Variants in BMP2K observed in about 807,000 individuals in gnomAD.
The protein encoded by BMP2K is BMP-2-inducible protein kinase.
Under a neutral mutation model 116.0 loss-of-function variants are expected in BMP2K, and 74 were observed. That is an observed-to-expected ratio of 0.64 (90% CI 0.53 to 0.77). BMP2K has a LOEUF of 0.77. Ranked by LOEUF, BMP2K falls within the 30% of genes least tolerant of loss-of-function variation. The pLI is 0.00. For synonymous variants in BMP2K, 486 were observed against 502.5 expected (o/e 0.97, Z 0.44); for missense variants, 1,365 against 1,403.6 (o/e 0.97, Z 0.44).
chr4:78,828,352 C>T (rs918724472), intron 2 of BMP2K, among the ~76,000 whole-genome samples: 1 of 152,194 alleles, frequency 6.6e-6, no homozygotes, highest in Non-Finnish European at 1.5e-5. Flanking sequence ...GGGTACAGAG[C>T]TTCCTTGCCT....
chr4:78,883,369 G>T lies in BMP2K; in HGVS notation c.1952-3805G>T, dbSNP rs865858552. On this transcript the variant is annotated intron_variant, in intron 14 of 15. Coordinates refer to ENST00000502613, the MANE Select transcript of BMP2K (RefSeq NM_198892.2). ...AATGTGTATATTTCTTTTGTATTTT[G>T]TGTCCTGAGACTCACATTTTCATGT... Among the ~76,000 whole-genome samples the T allele has an allele frequency of 1.2e-4, 18 of 152,114 alleles. No homozygotes were observed. In the South Asian group the frequency reaches 2.9e-3, roughly 25 times the overall value.
Position 78,914,194 on chromosome 4 carries a change from C to T in BMP2K, c.*2161C>T, listed in dbSNP as rs1734851468. 6.6e-6 allele frequency: 1 copy of T among 151,946 alleles called. No individual in the cohort carries two copies. The highest frequency in any genetic ancestry group is 6.6e-5 in the Admixed American group (1 of 15,238). 9.4% of individuals were successfully genotyped at this position (151,946 alleles called of 1,614,324 possible). On this transcript the variant is annotated 3_prime_UTR_variant, in exon 16 of 16. Coordinates refer to ENST00000502613, the MANE Select transcript of BMP2K (RefSeq NM_198892.2). The stretch of plus-strand genomic sequence containing the variant: ...AGGGGTAGAGGATGAACTAATGTCT[C>T]CTTCAGATGTAAACATGAAATACCT...
In BMP2K at chr4:78,776,429, C is replaced by A; in HGVS notation, c.-115C>A. The A allele has an allele frequency of 9.8e-7, 1 of 1,015,336 alleles. No individual in the cohort carries two copies. The highest frequency in any genetic ancestry group is 1.2e-6 in the Non-Finnish European group (1 of 832,082). The allele number at this position is 1,015,336 out of a possible 1,614,324, so 62.9% of individuals were successfully genotyped here. ...GCGCGGAATGTGAGGCTTGGCGGGC[C>A]GCAGCACGCTCGGACGGGCCAGGGG... On this transcript the variant is annotated 5_prime_UTR_variant, in exon 1 of 16. Transcript: ENST00000502613.
intron 13 of BMP2K, among the ~76,000 whole-genome samples, chr4:78,877,661 G>A (rs1033967324): frequency 1.4e-4 from 22 of 152,096 alleles, no homozygotes; most frequent in African/African-American, 5.3e-4. Flanking sequence ...GAGTATACTT[G>A]AACATAACTC....
At chr4:78,795,448 T>A (rs969745726) in intron 1 of BMP2K, among the ~76,000 whole-genome samples, 3 of 152,152 alleles carry the variant, frequency 2.0e-5, no homozygotes, top group African/African-American at 4.8e-5. Context: ...GAAGAAAACC[T>A]AGGCATTACC....
chr4:78,878,838 CTAAGT>C lies in BMP2K; in HGVS notation c.1902_1906del (p.Lys634AsnfsTer11). ...AATCCTTTTGGAGAGGATAATTTCT[CTAAGT>C]TAACAGAAGAGGAACTATTGGACAG... is the stretch of plus-strand genomic sequence containing the variant. On this transcript the variant is annotated frameshift_variant, in exon 14 of 16. Coordinates refer to ENST00000502613, the MANE Select transcript of BMP2K (RefSeq NM_198892.2). LOFTEE classifies it high-confidence loss of function. 1 of 1,613,560 alleles carries C rather than the reference CTAAGT, an allele frequency of 6.2e-7. No homozygotes were observed. The highest frequency in any genetic ancestry group is 8.5e-7 in the Non-Finnish European group (1 of 1,179,784).
chr4:78,838,252 T>C (rs1048918207), intron 3 of BMP2K, among the ~76,000 whole-genome samples: 3 of 152,214 alleles, frequency 2.0e-5, no homozygotes, highest in Non-Finnish European at 2.9e-5. Context: ...CTTGCCCCCA[T>C]GTTTCAGCTA....
intron 7 of BMP2K, among the ~76,000 whole-genome samples, chr4:78,853,690 G>T (rs1465642902): frequency 1.3e-5 from 2 of 152,134 alleles, no homozygotes; most frequent in Non-Finnish European, 2.9e-5. Context: ...CATCTGCTCT[G>T]TCCCTGTTTG....
chr4:78,862,043 A>G (rs560292337), intron 9 of BMP2K, among the ~76,000 whole-genome samples: 2 of 151,970 alleles, frequency 1.3e-5, no homozygotes, highest in South Asian at 4.1e-4. Flanking sequence ...CACTTTTTTG[A>G]ATTTAAAAGT....
At chr4:78,831,697 T>A (rs189220933) in intron 2 of BMP2K, among the ~76,000 whole-genome samples, 7 of 152,344 alleles carry the variant, frequency 4.6e-5, no homozygotes, top group Admixed American at 4.6e-4. Flanking sequence ...GAAAACTTAT[T>A]TTTAAGTATT....
intron 1 of BMP2K, among the ~76,000 whole-genome samples, chr4:78,803,897 G>C (rs1728690613): frequency 6.6e-6 from 1 of 152,034 alleles, no homozygotes; most frequent in African/African-American, 2.4e-5. Context: ...TGAGATCTGT[G>C]CTTCAGTTAT....
At chr4:78,862,968 G>C (rs1253567487) in intron 9 of BMP2K, among the ~76,000 whole-genome samples, 2 of 151,950 alleles carry the variant, frequency 1.3e-5, no homozygotes, top group African/African-American at 4.8e-5. Flanking sequence ...TGTGACTTCT[G>C]TTTTTTAAAA....
rs192429522 is a variant in BMP2K at position 78,819,122 on chromosome 4, C to G, written c.179-6915C>G. On this transcript the variant is annotated intron_variant, in intron 1 of 15. Transcript: ENST00000502613. ...TCAATGAAAGATGGAAAAAAATGTT[C>G]CGCTAAATTTCTTCTTGGAATCTAG... Among the ~76,000 whole-genome samples, 84 of 152,192 alleles carry G rather than the reference C, an allele frequency of 5.5e-4. 1 individual carries two copies. The highest frequency in any genetic ancestry group is 2.0e-3 in the African/African-American group (82 of 41,542).
rs958360371 is a variant in BMP2K at position 78,870,923 on chromosome 4, C to T, written c.1372C>T (p.Pro458Ser). Residue 458 changes from proline to serine, a missense_variant, in exon 11 of 16, where the codon CCT becomes TCT. Pro to Ser is a moderately conservative substitution (Grantham distance 74). Transcript: ENST00000502613. Reference protein sequence around the residue: ...LQQLHLQHRHPHQQQQQQQQQ... With the variant: ...LQQLHLQHRHSHQQQQQQQQQ... ...GCAACTCCATTTACAGCATCGTCAT[C>T]CTCACCAGCAGCAGCAGCAGCAGCA... 2.6e-5 allele frequency: 42 copies of T among 1,611,260 alleles called. No homozygotes were observed. The highest frequency in any genetic ancestry group is 3.2e-5 in the Non-Finnish European group (38 of 1,180,012).
rs1732376734 is a variant in BMP2K at position 78,871,907 on chromosome 4, G to A, written c.1567G>A (p.Val523Ile). ...TCAACAACAATTTTTAATGCATTCG[G>A]TATATCAACCACAACCTTCTGCATC... The part of the protein sequence containing the change: ...MLQQQFLMHS[V>I]YQPQPSASQY... Residue 523 changes from valine (V) to isoleucine (I), a missense_variant, in exon 12 of 16, where the codon GTA (valine) becomes ATA (isoleucine). By Grantham distance (29) the Val-to-Ile change is conservative (BLOSUM62 3). Around this residue, in one of 3 missense-constraint regions of BMP2K, gnomAD observed 762 missense variants for 756.7 expected, o/e 1.01. Coordinates refer to ENST00000502613, the MANE Select transcript of BMP2K (RefSeq NM_198892.2). 3 of 1,612,532 alleles carry A rather than the reference G, an allele frequency of 1.9e-6. No individual in the cohort carries two copies. The highest frequency in any genetic ancestry group is 2.5e-6 in the Non-Finnish European group (3 of 1,179,228).
At chr4:78,885,898 A>G (rs989979127) in intron 14 of BMP2K, among the ~76,000 whole-genome samples, 7 of 152,188 alleles carry the variant, frequency 4.6e-5, no homozygotes, top group African/African-American at 1.7e-4. Context: ...TCTGTCATCC[A>G]GGCTGGAATG....
At chr4:78,893,702 A>G (rs1733558273) in intron 15 of BMP2K, among the ~76,000 whole-genome samples, 1 of 152,154 alleles carries the variant, frequency 6.6e-6, no homozygotes, top group Admixed American at 6.5e-5. Flanking sequence ...AGCTGGGACT[A>G]TAGGCATGCA....
chr4:78,887,944 T>C (rs568091664), intron 15 of BMP2K: 1 of 152,318 alleles, frequency 6.6e-6, no homozygotes, highest in African/African-American at 2.4e-5. Flanking sequence ...GTTCGATATA[T>C]TCATGGTAAC....
intron 8 of BMP2K, among the ~76,000 whole-genome samples, chr4:78,860,706 G>C (rs1305684794): frequency 6.6e-6 from 1 of 150,876 alleles, no homozygotes; most frequent in East Asian, 1.9e-4. Context: ...TGTTTCTGTA[G>C]GGTTTCCTTT....
Sources: gnomAD v4.1 joint callset for allele counts (sites outside exome capture counted in the v4.1 genomes callset) on GRCh38, gnomAD v4.1.1 for gene constraint, gnomAD v4.1.1 regional missense constraint, MANE v1.5 for transcripts, NCBI Gene and HGNC (gene_info 2026-07-23, HGNC 2026-07-21) for gene names.